MDGA2: variants seen among roughly 807,000 people sequenced by gnomAD.
The protein encoded by MDGA2 is MAM domain containing glycosylphosphatidylinositol anchor 2.
MDGA2 carries 40 observed loss-of-function variants against 117.8 expected under a neutral mutation model. That is an observed-to-expected ratio of 0.34 (90% CI 0.26 to 0.44). The LOEUF is 0.44. Ranked by LOEUF, MDGA2 falls within the 20% of genes least tolerant of loss-of-function variation. The pLI is 1.00. For missense variants in MDGA2, 1,123 were observed against 1,250.6 expected, an observed-to-expected ratio of 0.90 and a Z score of 1.54; for synonymous variants, 452 against 439.0, an observed-to-expected ratio of 1.03 and a Z score of -0.37.
chr14:46,920,246 T>C (rs1257328256), intron 9 of MDGA2, 86 bp from the exon 10 acceptor site: 2 of 1,263,888 alleles, frequency 1.6e-6, no homozygotes, highest in African/African-American at 3.1e-5. Flanking sequence ...TTACCATTTC[T>C]ACTATATTTT....
rs1276841960 is a variant in MDGA2, at chr14:47,532,213, TC to T, written c.280+142303del. On this transcript the variant is annotated intron_variant, in intron 1 of 16. Coordinates refer to ENST00000399232, the MANE Select transcript of MDGA2 (RefSeq NM_001113498.3). Reference sequence around the variant, plus strand: ...AGAGAAAAATTTCCAGTTTTCATCTTCCAAGTCAATTACGATTGCAGTCATT... The same window carrying T: ...AGAGAAAAATTTCCAGTTTTCATCTTCAAGTCAATTACGATTGCAGTCATT... Among the ~76,000 whole-genome samples the T allele has an allele frequency of 2.0e-5, 3 of 152,230 alleles. No homozygotes were observed. In the East Asian group the frequency reaches 5.8e-4, roughly 29 times the overall value.
At chr14:47,592,379 A>T in intron 1 of MDGA2, among the ~76,000 whole-genome samples, 1 of 148,724 alleles carries the variant, frequency 6.7e-6, no homozygotes, top group East Asian at 2.0e-4. Flanking sequence ...TTTACAGAAT[A>T]AAAAAAAAAC....
intron 1 of MDGA2, among the ~76,000 whole-genome samples, chr14:47,339,614 T>A (rs768044790): frequency 6.6e-6 from 1 of 152,142 alleles, no homozygotes; most frequent in Non-Finnish European, 1.5e-5. Flanking sequence ...GCTTCCTCTC[T>A]CACCATGTAA....
At chr14:47,385,075 T>C (rs1171886052) in intron 1 of MDGA2, among the ~76,000 whole-genome samples, 1 of 152,202 alleles carries the variant, frequency 6.6e-6, no homozygotes, top group Non-Finnish European at 1.5e-5. Context: ...AAACAGTCTA[T>C]GAGCCCTAGT....
At chr14:47,439,234 C>T (rs1892954362) in intron 1 of MDGA2, among the ~76,000 whole-genome samples, 2 of 152,048 alleles carry the variant, frequency 1.3e-5, no homozygotes, top group Non-Finnish European at 1.5e-5. Context: ...AGAGATATGG[C>T]AATGACTTAA....
chr14:47,520,393 T>C (rs1386475246), intron 1 of MDGA2, among the ~76,000 whole-genome samples: 3 of 152,208 alleles, frequency 2.0e-5, no homozygotes, highest in African/African-American at 7.2e-5. Context: ...GTTGCTGCTA[T>C]TATCCCACTA....
Position 47,448,567 on chromosome 14 carries a change from T to C in MDGA2, c.281-147017A>G, listed in dbSNP as rs117952542. Among the ~76,000 whole-genome samples the C allele has an allele frequency of 5.3e-5, 8 of 152,286 alleles. No homozygotes were observed. The East Asian group carries it at 1.5e-3, about 29-fold the overall frequency. Reference sequence around the variant, plus strand: ...TGGAGAACTTCCAGACAGGTGATGCTTCCATATGTTGAAAGGGTGGTGTAC... The same window carrying C: ...TGGAGAACTTCCAGACAGGTGATGCCTCCATATGTTGAAAGGGTGGTGTAC... On this transcript the variant is annotated intron_variant, in intron 1 of 16. Coordinates refer to ENST00000399232, the MANE Select transcript of MDGA2 (RefSeq NM_001113498.3).
intron 1 of MDGA2, among the ~76,000 whole-genome samples, chr14:47,566,906 CT>C (rs55759791): frequency 0.78 from 114,774 of 147,766 alleles, 44,747 homozygotes; most frequent in East Asian, 1. Context: ...ATCCATCTTC[CT>C]TTTTTTTTTT....
At chr14:47,355,144 C>T (rs974777932) in intron 1 of MDGA2, among the ~76,000 whole-genome samples, 3 of 152,116 alleles carry the variant, frequency 2.0e-5, no homozygotes, top group African/African-American at 7.2e-5. Flanking sequence ...ACCAGCTTAC[C>T]CTCGCACATC....
chr14:47,178,673 A>T (rs1884576034), intron 3 of MDGA2, among the ~76,000 whole-genome samples: 1 of 152,214 alleles, frequency 6.6e-6, no homozygotes, highest in Non-Finnish European at 1.5e-5. Context: ...AGAAACAGAA[A>T]TATAAGCCAT....
chr14:47,173,025 G>A (rs942632221), intron 3 of MDGA2, among the ~76,000 whole-genome samples: 104 of 152,246 alleles, frequency 6.8e-4, no homozygotes, highest in African/African-American at 2.3e-3. Flanking sequence ...GAGCCGATGC[G>A]ATCAACTGGA....
chr14:47,641,124 T>A (rs2138245795), intron 1 of MDGA2, among the ~76,000 whole-genome samples: 1 of 152,210 alleles, frequency 6.6e-6, no homozygotes, highest in Non-Finnish European at 1.5e-5. Context: ...AGTATTCATA[T>A]GTACACCTAT....
chr14:47,317,737 T>C (rs952797499), intron 1 of MDGA2, among the ~76,000 whole-genome samples: 1 of 152,072 alleles, frequency 6.6e-6, no homozygotes, highest in African/African-American at 2.4e-5. Context: ...CTTTTTCTCA[T>C]CCATTCTTAC....
At chr14:46,964,472 AGCT>A (rs1885936360) in intron 8 of MDGA2, among the ~76,000 whole-genome samples, 1 of 152,220 alleles carries the variant, frequency 6.6e-6, no homozygotes, top group Admixed American at 6.5e-5. Flanking sequence ...GGACAGTCTA[AGCT>A]GGTTCAGGAA....
At chr14:47,621,450 G>A (rs1317456156) in intron 1 of MDGA2, among the ~76,000 whole-genome samples, 1 of 152,008 alleles carries the variant, frequency 6.6e-6, no homozygotes, top group Non-Finnish European at 1.5e-5. Context: ...CCAGCCTCCT[G>A]AGTAGCTAGG....
intron 6 of MDGA2, among the ~76,000 whole-genome samples, chr14:47,064,341 G>A (rs1233201236): frequency 1.3e-5 from 2 of 151,948 alleles, no homozygotes; most frequent in Non-Finnish European, 2.9e-5. Context: ...TCAAGTTAAG[G>A]AACATCAGAA....
At chr14:47,537,574 T>TAAAAAA (rs58060138) in intron 1 of MDGA2, among the ~76,000 whole-genome samples, 13 of 36,612 alleles carry the variant, frequency 3.6e-4, no homozygotes, top group Non-Finnish European at 5.6e-4. Context: ...TTCTCTCTGT[T>TAAAAAA]AAAAAAAAAA....
At chr14:47,604,349 C>G (rs558638699) in intron 1 of MDGA2, among the ~76,000 whole-genome samples, 1 of 151,900 alleles carries the variant, frequency 6.6e-6, no homozygotes, top group African/African-American at 2.4e-5. Context: ...TGGGGTCTTG[C>G]TCTGTCACCC....
intron 1 of MDGA2, among the ~76,000 whole-genome samples, chr14:47,666,436 T>A (rs1231459613): frequency 3.3e-5 from 5 of 151,996 alleles, no homozygotes; most frequent in Non-Finnish European, 5.9e-5. Context: ...GGTTTGTAAA[T>A]GCACCAATCA....
Sources: gnomAD v4.1 joint callset for allele counts (sites outside exome capture counted in the v4.1 genomes callset) on GRCh38, gnomAD v4.1.1 for gene constraint, MANE v1.5 for transcripts, NCBI Gene and HGNC (gene_info 2026-07-23, HGNC 2026-07-21) for gene names.